Variants in SLC2A13 observed in about 807,000 individuals in gnomAD.
SLC2A13 encodes proton myo-inositol cotransporter.
A neutral mutation model predicts 64.4 loss-of-function variants in SLC2A13; 32 were observed. That is an observed-to-expected ratio of 0.50 (90% confidence interval 0.37 to 0.67). The LOEUF (loss-of-function observed/expected upper bound fraction) is 0.67. SLC2A13 is among the 30% of genes least tolerant of loss of function. SLC2A13 has a pLI of 0.00. For synonymous variants in SLC2A13, 338 were observed against 327.1 expected (o/e 1.03, Z -0.36); for missense variants, 743 against 829.2 (o/e 0.90, Z 1.28).
At chr12:39,977,550 A>G (rs1437419049) in intron 3 of SLC2A13, among the ~76,000 whole-genome samples, 2 of 152,250 alleles carry the variant, frequency 1.3e-5, no homozygotes, top group African/African-American at 4.8e-5. Context: ...ACACATCAGA[A>G]TTTATAAATA....
chr12:39,960,987 T>TCCA (rs1946402555), intron 3 of SLC2A13, among the ~76,000 whole-genome samples: 1 of 151,236 alleles, frequency 6.6e-6, no homozygotes, highest in South Asian at 2.1e-4. Context: ...CCTTCAGTGA[T>TCCA]CCACTCGTCT....
intron 3 of SLC2A13, among the ~76,000 whole-genome samples, chr12:39,984,177 G>C (rs1021444386): frequency 1.6e-4 from 24 of 151,652 alleles, no homozygotes; most frequent in African/African-American, 5.8e-4. Flanking sequence ...TGGGGACTGT[G>C]GTGGGGTGGG....
intron 4 of SLC2A13, among the ~76,000 whole-genome samples, chr12:39,943,106 G>A (rs1946067370): frequency 6.6e-6 from 1 of 152,180 alleles, no homozygotes; most frequent in Admixed American, 6.5e-5. Context: ...AAAGACTGCT[G>A]CCTGTTCCTT....
chr12:39,942,614 G>T (rs1016614616), intron 4 of SLC2A13, among the ~76,000 whole-genome samples: 7 of 152,120 alleles, frequency 4.6e-5, no homozygotes, highest in African/African-American at 1.7e-4. Flanking sequence ...CTTTCTAGAG[G>T]AAAATTATTC....
At chr12:40,084,220 T>C (rs1198189705) in intron 1 of SLC2A13, among the ~76,000 whole-genome samples, 1 of 152,250 alleles carries the variant, frequency 6.6e-6, no homozygotes, top group Admixed American at 6.5e-5. Flanking sequence ...ATCTGGCTCA[T>C]GCTGTGCTTT....
At position 39,864,885 on chromosome 12, in the gene SLC2A13, T is replaced by TAAAAAAA; in HGVS notation, c.1199-10_1199-4dup. On this transcript the variant is annotated splice_polypyrimidine_tract_variant and splice_region_variant and intron_variant, in intron 5 of 9. Transcript: ENST00000280871. ...AATAATGAGTGCTACGGTGGTACCT[T>TAAAAAAA]AAAAAAAAAAAGTTTTATATTAGAG... is the stretch of plus-strand genomic sequence containing the variant. The TAAAAAAA allele has an allele frequency of 8.0e-7, 1 of 1,253,742 alleles. No homozygotes were observed. The highest frequency in any genetic ancestry group is 1.5e-5 in the South Asian group (1 of 68,196). The allele number at this position is 1,253,742 out of a possible 1,614,324, so 77.7% of individuals were successfully genotyped here. A position where few individuals can be genotyped will look rare whatever the true frequency, so the allele number is the denominator to read the frequency against.
chr12:39,921,015 A>C (rs1945607049), intron 4 of SLC2A13, among the ~76,000 whole-genome samples: 1 of 152,100 alleles, frequency 6.6e-6, no homozygotes, highest in Admixed American at 6.5e-5. Flanking sequence ...GAGTAGTTCA[A>C]ATACAGAAAA....
At chr12:40,080,939 T>A (rs1362657493) in intron 1 of SLC2A13, among the ~76,000 whole-genome samples, 1 of 152,236 alleles carries the variant, frequency 6.6e-6, no homozygotes, top group African/African-American at 2.4e-5. Flanking sequence ...AAGAAAATTT[T>A]ATTTCTCCTT....
chr12:40,093,064 A>C (rs185895560), intron 1 of SLC2A13, among the ~76,000 whole-genome samples: 1 of 152,312 alleles, frequency 6.6e-6, no homozygotes, highest in Admixed American at 6.5e-5. Flanking sequence ...CATCCTTGAG[A>C]GTCTGTCAGA....
At chr12:39,789,752 T>G (rs897629144) in intron 7 of SLC2A13, among the ~76,000 whole-genome samples, 17 of 152,308 alleles carry the variant, frequency 1.1e-4, no homozygotes, top group Admixed American at 2.0e-4. Context: ...AAAAATGGTA[T>G]GCCAATATCG....
At chr12:40,011,098 A>G (rs1197553517) in intron 3 of SLC2A13, among the ~76,000 whole-genome samples, 2 of 152,198 alleles carry the variant, frequency 1.3e-5, no homozygotes, top group African/African-American at 4.8e-5. Flanking sequence ...CAGAGGCTCA[A>G]CTAACTTTTG....
Position 39,905,822 on chromosome 12 carries a change from G to GA in SLC2A13, c.1035-33862dup, listed in dbSNP as rs10682990. On this transcript the variant is annotated intron_variant, in intron 4 of 9. Coordinates refer to ENST00000280871, the MANE Select transcript of SLC2A13 (RefSeq NM_052885.4). ...TACTAGGCCTTTATTAAAATGCCCA[G>GA]AAAAAAAAAAAAACTACACTTCTAT... is the stretch of plus-strand genomic sequence containing the variant. Among the ~76,000 whole-genome samples, 106 of 145,422 alleles carry GA rather than the reference G, an allele frequency of 7.3e-4. 2 individuals carry two copies. Among genetic ancestry groups the GA allele is most frequent in the African/African-American group, 2.3e-3 (92 of 39,726 alleles).
chr12:39,783,633 A>AT (rs1941078490), intron 7 of SLC2A13, among the ~76,000 whole-genome samples: 1 of 152,006 alleles, frequency 6.6e-6, no homozygotes, highest in Admixed American at 6.6e-5. Context: ...AATGATGAGC[A>AT]TTTTTTCATT....
At chr12:39,802,973 G>A (rs1370482866) in intron 7 of SLC2A13, among the ~76,000 whole-genome samples, 6 of 152,106 alleles carry the variant, frequency 3.9e-5, no homozygotes, top group Non-Finnish European at 8.8e-5. Context: ...TAATGACATT[G>A]GAAAAGAGGC....
chr12:40,072,270 T>C (rs1004263383), intron 1 of SLC2A13, among the ~76,000 whole-genome samples: 4 of 152,102 alleles, frequency 2.6e-5, no homozygotes, highest in Admixed American at 6.6e-5. Context: ...AGTTATTATA[T>C]GATTGTATTC....
chr12:39,785,388 G>A lies in SLC2A13; in HGVS notation c.1446-20530C>T, dbSNP rs192820028. On this transcript the variant is annotated intron_variant, in intron 7 of 9. Transcript: ENST00000280871. ...TCCATGTGGCGTTGAGCCTGTGGGT[G>A]CACAGAAGTCAAGAATTGAGGTTTG... Among the ~76,000 whole-genome samples, 85 of 152,344 alleles carry A rather than the reference G, an allele frequency of 5.6e-4. 1 individual carries two copies. Among genetic ancestry groups the A allele is most frequent in the Admixed American group, 1.4e-3 (21 of 15,302 alleles).
At chr12:40,015,999 T>C (rs1213097962) in intron 3 of SLC2A13, among the ~76,000 whole-genome samples, 1 of 152,182 alleles carries the variant, frequency 6.6e-6, no homozygotes, top group Non-Finnish European at 1.5e-5. Flanking sequence ...TTATTAGTTT[T>C]CAAAAAAACT....
At chr12:39,945,984 G>A (rs2136093163) in intron 4 of SLC2A13, among the ~76,000 whole-genome samples, 1 of 152,284 alleles carries the variant, frequency 6.6e-6, no homozygotes, top group Admixed American at 6.5e-5. Flanking sequence ...ATTTGGGTAG[G>A]ATCAGTCAGA....
intron 3 of SLC2A13, among the ~76,000 whole-genome samples, chr12:40,008,935 C>G (rs942075877): frequency 6.6e-6 from 1 of 152,094 alleles, no homozygotes; most frequent in African/African-American, 2.4e-5. Flanking sequence ...AATAAAAGAA[C>G]ACATAAACAG....
Sources: gnomAD v4.1 joint callset for allele counts (sites outside exome capture counted in the v4.1 genomes callset) on GRCh38, gnomAD v4.1.1 for gene constraint, MANE v1.5 for transcripts, NCBI Gene and HGNC (gene_info 2026-07-23, HGNC 2026-07-21) for gene names.